The following DOT1L variants were observed in gnomAD, a reference collection of about 807,000 sequenced individuals.
DOT1L encodes DOT1 like histone lysine methyltransferase, also known as histone-lysine N-methyltransferase, H3 lysine-79 specific.
DOT1L carries 33 observed loss-of-function variants against 153.3 expected under a neutral mutation model. The ratio of observed to expected loss-of-function variants is 0.22; its 90% CI spans 0.16 to 0.29. The LOEUF is 0.29. DOT1L is among the 10% of genes least tolerant of loss of function. The probability of loss-of-function intolerance (pLI) is 1.00; values close to 1 mark genes in which losing one functional copy is unlikely to be tolerated. For synonymous variants in DOT1L, 1,135 were observed against 965.1 expected (o/e 1.18, Z -3.26); for missense variants, 1,847 against 2,119.9 (o/e 0.87, Z 2.53).
At chr19:2,186,786 C>A (rs1413889989) in intron 3 of DOT1L, among the ~76,000 whole-genome samples, 1 of 152,274 alleles carries the variant, frequency 6.6e-6, no homozygotes, top group Admixed American at 6.5e-5. Flanking sequence ...GCGTGCCGAC[C>A]TGCTGCTGTG....
rs2022741690 is a variant in DOT1L at position 2,190,446 on chromosome 19, G to T, written c.265-566G>T. 6.6e-6 allele frequency among the ~76,000 whole-genome samples: 1 copy of T among 152,088 alleles called. No individual in the cohort carries two copies. ...TCCTGAGTGGGACTGGGCTGGGCTG[G>T]GCTGCCCCATCAGCCTGCCACCCGG... is the stretch of plus-strand genomic sequence containing the variant. On this transcript the variant is annotated intron_variant, in intron 4 of 27. Coordinates refer to ENST00000398665, the MANE Select transcript of DOT1L (RefSeq NM_032482.3). This position sits in a 1 kb window ranked among gnomAD's most constrained non-coding sequence, Gnocchi z 4.8.
In DOT1L at chr19:2,216,409, G is replaced by A; in HGVS notation, c.2052G>A (p.Glu684=). 3 of 1,612,490 alleles carry A rather than the reference G, an allele frequency of 1.9e-6. No homozygotes were observed. The highest frequency in any genetic ancestry group is 2.5e-6 in the Non-Finnish European group (3 of 1,179,896). ...AGGGCGCCCTGGGCCGCGAGCTGGAGCCTGACGCCAGCCGGCTGCACCTGG... is the reference window on the plus strand; with the variant it reads ...AGGGCGCCCTGGGCCGCGAGCTGGAACCTGACGCCAGCCGGCTGCACCTGG... ...RGKGALGREL[E]PDASRLHLEL... The change falls in exon 20 of 28, where the codon GAG becomes GAA. Residue 684 remains glutamate (E), a synonymous_variant. Coordinates refer to ENST00000398665, the MANE Select transcript of DOT1L (RefSeq NM_032482.3).
At position 2,197,229 on chromosome 19, in the gene DOT1L, C is replaced by T. The variant is rs1260743892; in HGVS notation, c.651+2652C>T. 6.6e-6 allele frequency among the ~76,000 whole-genome samples: 1 copy of T among 152,218 alleles called. No homozygotes were observed. Among genetic ancestry groups the T allele is most frequent in the Non-Finnish European group, 1.5e-5 (1 of 68,026 alleles). ...GGGCTGTGGGCCCGGCTCTCCTTCC[C>T]TTTCTCATGGTGATTGTTCCCAAAT... is the stretch of plus-strand genomic sequence containing the variant. On this transcript the variant is annotated intron_variant, in intron 7 of 27. Coordinates refer to ENST00000398665, the MANE Select transcript of DOT1L (RefSeq NM_032482.3). This position sits in a 1 kb window ranked among gnomAD's most constrained non-coding sequence, Gnocchi z 4.1.
At chr19:2,185,391 T>A (rs2022447506) in intron 2 of DOT1L, among the ~76,000 whole-genome samples, 1 of 152,210 alleles carries the variant, frequency 6.6e-6, no homozygotes, top group South Asian at 2.1e-4. Flanking sequence ...AGCCTTCGTT[T>A]TGAAGTCACG....
At chr19:2,199,979 C>A (rs781624937) in intron 8 of DOT1L, 40 bp downstream of exon 8, 4 of 1,605,788 alleles carry the variant, frequency 2.5e-6, no homozygotes, top group Non-Finnish European at 3.4e-6. Flanking sequence ...GTGGGGTGTG[C>A]GCTCACAGGC....
At chr19:2,229,662 G>A in intron 27 of DOT1L, 123 bp from the exon 28 acceptor site, 1 of 1,597,576 alleles carries the variant, frequency 6.3e-7, no homozygotes, top group Non-Finnish European at 8.5e-7. Context: ...TGCCTGTCAT[G>A]GTGCTGGCCC....
chr19:2,182,968 G>A lies in DOT1L; in HGVS notation c.125+2212G>A, dbSNP rs116911021. Among the ~76,000 whole-genome samples the A allele has an allele frequency of 5.3e-4, 80 of 152,266 alleles. No homozygotes were observed. The East Asian group carries it at 0.013, about 25-fold the overall frequency. ...GCACCAACACCTGGGCATCCGCGAC[G>A]TAGGCAGAGACCTCGAAACTCGAAC... On this transcript the variant is annotated intron_variant, in intron 2 of 27. Transcript: ENST00000398665.
rs2023575538 is a variant in DOT1L at position 2,208,128 on chromosome 19, C to T, written c.963+448C>T. Among the ~76,000 whole-genome samples the T allele has an allele frequency of 6.6e-6, 1 of 152,104 alleles. No individual in the cohort carries two copies. The highest frequency in any genetic ancestry group is 2.4e-5 in the African/African-American group (1 of 41,408). ...GATGCTTCTTCCCTCCCTGTGTTCC[C>T]CAGGGTCCTCTGACACAGCCCTGGG... On this transcript the variant is annotated intron_variant, in intron 11 of 27. Transcript: ENST00000398665. The surrounding 1 kb of genome is among the most constrained non-coding windows in gnomAD (Gnocchi z 4.4).
intron 1 of DOT1L, among the ~76,000 whole-genome samples, chr19:2,167,718 G>C (rs2019978509): frequency 6.7e-6 from 1 of 149,702 alleles, no homozygotes; most frequent in Non-Finnish European, 1.5e-5. Context: ...GGGTGGTTCT[G>C]ATTTTCTTTT....
intron 2 of DOT1L, 120 bp from the exon 3 acceptor site, chr19:2,185,735 C>T (rs2022469365): frequency 9.2e-7 from 1 of 1,085,086 alleles, no homozygotes; most frequent in Admixed American, 1.8e-5. Context: ...CGACACTGCA[C>T]TCCAGCCTGG....
At chr19:2,176,425 C>T (rs1056271366) in intron 1 of DOT1L, among the ~76,000 whole-genome samples, 5 of 152,206 alleles carry the variant, frequency 3.3e-5, no homozygotes, top group Non-Finnish European at 7.3e-5. Context: ...AGCGAGTTCA[C>T]CCTGCTACTG....
intron 14 of DOT1L, 57 bp from the exon 15 acceptor site, chr19:2,211,042 T>A: frequency 6.5e-7 from 1 of 1,549,938 alleles, no homozygotes; most frequent in Non-Finnish European, 8.8e-7. Context: ...TGCTGACGCC[T>A]CTGCCCACCG....
At chr19:2,214,096 G>T in intron 18 of DOT1L, 110 bp downstream of exon 18, 2 of 1,470,190 alleles carry the variant, frequency 1.4e-6, no homozygotes, top group East Asian at 2.5e-5. Context: ...CTGTTGTGGG[G>T]TTTGTTCCCA....
intron 1 of DOT1L, among the ~76,000 whole-genome samples, chr19:2,171,272 C>T (rs1040138605): frequency 5.3e-5 from 8 of 152,144 alleles, no homozygotes; most frequent in South Asian, 2.1e-4. Flanking sequence ...GGAAGGACTG[C>T]GAGAATGCTG....
intron 2 of DOT1L, among the ~76,000 whole-genome samples, chr19:2,183,700 C>G (rs1173340230): frequency 6.6e-6 from 1 of 151,768 alleles, no homozygotes; most frequent in Non-Finnish European, 1.5e-5. Context: ...ATCCTCGGCT[C>G]CCTGCAGCCT....
intron 1 of DOT1L, among the ~76,000 whole-genome samples, chr19:2,169,981 AC>A (rs1244005421): frequency 6.6e-6 from 1 of 152,106 alleles, no homozygotes; most frequent in African/African-American, 2.4e-5. Context: ...ACATGACGAA[AC>A]CCCGTATTTA....
chr19:2,193,635 T>G lies in DOT1L; in HGVS notation c.494-54T>G, dbSNP rs1043205203. ...CTCTGTCTCCGAGCCTAGCACGGCC[T>G]CCCGGGTGGCATCTGAGCGCTGTGT... is the stretch of plus-strand genomic sequence containing the variant. On this transcript the variant is annotated intron_variant, in intron 5 of 27. Transcript: ENST00000398665. This position sits in a 1 kb window ranked among gnomAD's most constrained non-coding sequence, Gnocchi z 5.9. 6.3e-7 allele frequency: 1 copy of G among 1,576,412 alleles called. No individual in the cohort carries two copies. The highest frequency in any genetic ancestry group is 8.7e-7 in the Non-Finnish European group (1 of 1,149,216).
intron 19 of DOT1L, chr19:2,215,605 G>C (rs1339452538): frequency 6.6e-6 from 1 of 152,296 alleles, no homozygotes; most frequent in Non-Finnish European, 1.5e-5. Context: ...GCTGTCCCCG[G>C]AGGCGGGCTC....
At chr19:2,221,354 C>T (rs956361411) in intron 23 of DOT1L, 3 of 153,396 alleles carry the variant, frequency 2.0e-5, no homozygotes, top group African/African-American at 7.2e-5. Context: ...GTGAGGTCTG[C>T]TCTGCGAGAG....
Sources: allele counts gnomAD v4.1 joint callset (sites outside exome capture counted in the v4.1 genomes callset), GRCh38; gene constraint gnomAD v4.1.1; non-coding constraint Gnocchi (gnomAD v3.1); transcripts MANE v1.5; gene names NCBI Gene and HGNC (gene_info 2026-07-23, HGNC 2026-07-21).